NRG1: variants seen among roughly 807,000 people sequenced by gnomAD.
The protein encoded by NRG1 is pro-neuregulin-1, membrane-bound isoform.
In NRG1, 18 loss-of-function variants were observed where a neutral mutation model predicts 63.8. That is an observed-to-expected ratio of 0.28 (90% confidence interval 0.19 to 0.42). The LOEUF (loss-of-function observed/expected upper bound fraction) is 0.42, where lower values mean the gene tolerates loss of function less well. Among genes scored for constraint, NRG1 ranks in the 10% least tolerant of loss-of-function variants. The probability of loss-of-function intolerance (pLI) is 1.00; values close to 1 mark genes in which losing one functional copy is unlikely to be tolerated. For missense variants in NRG1, 762 were observed against 814.7 expected, an observed-to-expected ratio of 0.94 and a Z score of 0.79; for synonymous variants, 302 against 301.3, an observed-to-expected ratio of 1.00 and a Z score of -0.02.
At chr8:31,700,183 G>A (rs986937523) in intron 1 of NRG1, among the ~76,000 whole-genome samples, 2 of 152,174 alleles carry the variant, frequency 1.3e-5, no homozygotes, top group East Asian at 3.9e-4. Flanking sequence ...GGGTGGGTGA[G>A]GGCTTTACAT....
rs528080994 is a variant in NRG1 at position 32,732,410 on chromosome 8, G to A, written c.632+4332G>A. ...TCAGTGGAGAACTACTTTGGAAGATGTTGATGTGATTTTTTTTAATCTAAA... is the reference window on the plus strand; with the variant it reads ...TCAGTGGAGAACTACTTTGGAAGATATTGATGTGATTTTTTTTAATCTAAA... On this transcript the variant is annotated intron_variant, in intron 6 of 11. Transcript: ENST00000356819. 2.7e-3 allele frequency among the ~76,000 whole-genome samples: 409 copies of A among 152,234 alleles called. 1 individual carries two copies. Among genetic ancestry groups the A allele is most frequent in the African/African-American group, 9.3e-3 (386 of 41,506 alleles).
chr8:32,609,756 TCTC>T (rs1330940359), intron 3 of NRG1, among the ~76,000 whole-genome samples: 1 of 150,324 alleles, frequency 6.7e-6, no homozygotes, highest in African/African-American at 2.4e-5. Flanking sequence ...TTCAAGCAAT[TCTC>T]CTCCTGGATT....
intron 1 of NRG1, among the ~76,000 whole-genome samples, chr8:32,453,849 G>A (rs957783995): frequency 7.2e-5 from 11 of 152,142 alleles, no homozygotes; most frequent in African/African-American, 2.7e-4. Flanking sequence ...CTGCAGCTCA[G>A]GCAAGCCCAG....
intron 5 of NRG1, chr8:32,722,039 A>T: frequency 6.5e-7 from 1 of 1,547,534 alleles, no homozygotes; most frequent in Non-Finnish European, 8.7e-7. Flanking sequence ...TGAAGATATT[A>T]CAGGTAAGGT....
chr8:32,389,751 C>G (rs1485089141), intron 1 of NRG1, among the ~76,000 whole-genome samples: 1 of 97,886 alleles, frequency 1.0e-5, no homozygotes. Flanking sequence ...TTCTTTCAGT[C>G]TTTCTTTCTT....
chr8:31,763,766 C>T lies in NRG1; in HGVS notation c.37+124335C>T, dbSNP rs563609573. ...GAGATCGAGACCATCCTGGCTAACA[C>T]GGTGAAACCCCGTCTCTACTAAAAA... On this transcript the variant is annotated intron_variant, in intron 1 of 10. Coordinates refer to the NRG1 transcript ENST00000519301. Among the ~76,000 whole-genome samples, 49 of 152,176 alleles carry T rather than the reference C, an allele frequency of 3.2e-4. 1 individual carries two copies. The highest frequency in any genetic ancestry group is 9.9e-4 in the African/African-American group (41 of 41,532).
chr8:31,927,904 C>T (rs1473217281), intron 1 of NRG1, among the ~76,000 whole-genome samples: 1 of 148,154 alleles, frequency 6.7e-6, no homozygotes, highest in Non-Finnish European at 1.5e-5. Flanking sequence ...TTTAGGGTAC[C>T]TGTGCACAAC....
chr8:32,615,601 C>T (rs1847209390), intron 4 of NRG1, among the ~76,000 whole-genome samples: 1 of 152,014 alleles, frequency 6.6e-6, no homozygotes, highest in Admixed American at 6.6e-5. Flanking sequence ...TTCATTATGG[C>T]TGGTACCTTG....
intron 8 of NRG1, among the ~76,000 whole-genome samples, chr8:32,755,097 A>T (rs1479352840): frequency 6.6e-6 from 1 of 152,180 alleles, no homozygotes; most frequent in Non-Finnish European, 1.5e-5. Context: ...TGAGATGTAA[A>T]AAAGGAATCT....
intron 1 of NRG1, among the ~76,000 whole-genome samples, chr8:31,889,277 C>A (rs1830962885): frequency 6.6e-6 from 1 of 152,022 alleles, no homozygotes. Context: ...TATATGATGC[C>A]CCTTTTCTAA....
rs1400842767 is a variant in NRG1 at position 31,901,785 on chromosome 8, A to G, written c.37+262354A>G. On this transcript the variant is annotated intron_variant, in intron 1 of 10. Transcript: ENST00000519301. ...ATTTTATATGACTCATTGAAGCTCC[A>G]GGAAGATACTACTTTCTTCTCAATA... is the stretch of plus-strand genomic sequence containing the variant. Among the ~76,000 whole-genome samples the G allele has an allele frequency of 3.3e-5, 5 of 152,250 alleles. No homozygotes were observed. In the East Asian group the frequency reaches 7.7e-4, roughly 23 times the overall value.
In NRG1 at chr8:32,366,147, A is replaced by T. The variant is rs77133569; in HGVS notation, c.38-229681A>T. Among the ~76,000 whole-genome samples the T allele has an allele frequency of 6.8e-3, 1,040 of 152,242 alleles. 17 individuals carry two copies. Among genetic ancestry groups the T allele is most frequent in the African/African-American group, 0.023 (937 of 41,534 alleles). On this transcript the variant is annotated intron_variant, in intron 1 of 10. Transcript: ENST00000519301. ...TGGACATATGAGTTTGGGGTTTTTTAAAATTTTTTTTAGATATCCTTCACC... is the reference window on the plus strand; with the variant it reads ...TGGACATATGAGTTTGGGGTTTTTTTAAATTTTTTTTAGATATCCTTCACC...
chr8:32,058,456 C>T (rs1010318046), intron 1 of NRG1, among the ~76,000 whole-genome samples: 3 of 152,084 alleles, frequency 2.0e-5, no homozygotes, highest in Non-Finnish European at 4.4e-5. Flanking sequence ...CAAGGTATCA[C>T]ATGTTAATGC....
chr8:32,681,124 A>G (rs1808506147), intron 5 of NRG1, among the ~76,000 whole-genome samples: 1 of 152,188 alleles, frequency 6.6e-6, no homozygotes, highest in Non-Finnish European at 1.5e-5. Flanking sequence ...GAGAGTAGGA[A>G]TCAGATATAC....
chr8:32,326,259 T>G (rs1802001491), intron 1 of NRG1, among the ~76,000 whole-genome samples: 1 of 151,332 alleles, frequency 6.6e-6, no homozygotes, highest in South Asian at 2.1e-4. Context: ...CTGCCGACCT[T>G]GGTCTCCCAA....
At chr8:31,979,077 C>T (rs923162241) in intron 1 of NRG1, among the ~76,000 whole-genome samples, 54 of 152,164 alleles carry the variant, frequency 3.5e-4, no homozygotes, top group African/African-American at 1.2e-3. Flanking sequence ...ATCTTACCTG[C>T]TCTGACTTCT....
At chr8:31,750,076 CAGCCACAGT>C in intron 1 of NRG1, among the ~76,000 whole-genome samples, 1 of 151,962 alleles carries the variant, frequency 6.6e-6, no homozygotes, top group East Asian at 1.9e-4. Flanking sequence ...GGTCAACCTA[CAGCCACAGT>C]AGAAGAGGAA....
intron 5 of NRG1, among the ~76,000 whole-genome samples, chr8:32,716,876 G>A (rs539631671): frequency 6.6e-6 from 1 of 151,874 alleles, no homozygotes; most frequent in Non-Finnish European, 1.5e-5. Flanking sequence ...ATAGCAGGAT[G>A]CAGAACCCCA....
intron 1 of NRG1, among the ~76,000 whole-genome samples, chr8:31,760,210 T>C (rs576542655): frequency 6.6e-6 from 1 of 152,288 alleles, no homozygotes; most frequent in African/African-American, 2.4e-5. Context: ...TTAATCCATC[T>C]TGAATTAATT....
Sources: gnomAD v4.1 joint callset for allele counts (sites outside exome capture counted in the v4.1 genomes callset) on GRCh38, gnomAD v4.1.1 for gene constraint, MANE v1.5 for transcripts, NCBI Gene and HGNC (gene_info 2026-07-23, HGNC 2026-07-21) for gene names.